Variants in IGSF5 observed in about 807,000 individuals in gnomAD.
The protein encoded by IGSF5 is immunoglobulin superfamily 5 like.
In IGSF5, 41 loss-of-function variants were observed where a neutral mutation model predicts 39.4. The observed-to-expected ratio is 1.04, with a 90% confidence interval of 0.81 to 1.35. The LOEUF (loss-of-function observed/expected upper bound fraction) is 1.35, where lower values mean the gene tolerates loss of function less well. Among genes scored for constraint, IGSF5 ranks in the 40% most tolerant of loss-of-function variants. The pLI, the probability that IGSF5 is intolerant of heterozygous loss-of-function variation, is 0.00. For synonymous variants in IGSF5, 183 were observed against 175.3 expected, an observed-to-expected ratio of 1.04 and a Z score of -0.34; for missense variants, 487 against 494.6, an observed-to-expected ratio of 0.98 and a Z score of 0.15.
chr21:39,801,409 G>T lies in IGSF5; in HGVS notation c.*52G>T. The T allele has an allele frequency of 7.7e-7, 1 of 1,305,048 alleles. No individual in the cohort carries two copies. Among genetic ancestry groups the T allele is most frequent in the Non-Finnish European group, 1.1e-6 (1 of 903,556 alleles). The allele number at this position is 1,305,048 out of a possible 1,614,324, so 80.8% of individuals were successfully genotyped here. ...CACTTGGCTGACAATTCAAAACACG[G>T]CGATGGCATCCTTCCTTTCCATCCT... On this transcript the variant is annotated 3_prime_UTR_variant, in exon 9 of 9. Coordinates refer to ENST00000380588, the MANE Select transcript of IGSF5 (RefSeq NM_001080444.2).
intron 2 of IGSF5, among the ~76,000 whole-genome samples, 163 bp downstream of exon 2, chr21:39,746,461 A>G (rs375789497): frequency 3.3e-5 from 5 of 152,204 alleles, no homozygotes; most frequent in East Asian, 3.9e-4. Flanking sequence ...CTTTTTCTCA[A>G]TTATCTTCAG....
intron 2 of IGSF5, among the ~76,000 whole-genome samples, chr21:39,755,992 G>A (rs1334565350): frequency 3.3e-5 from 5 of 152,112 alleles, no homozygotes; most frequent in African/African-American, 1.2e-4. Flanking sequence ...TTGGGAGGCT[G>A]AGGCAGGAGA....
At chr21:39,773,478 C>CTTTTTTTTTTCCT (rs1555943411) in intron 4 of IGSF5, among the ~76,000 whole-genome samples, 1 of 143,854 alleles carries the variant, frequency 7.0e-6, no homozygotes, top group Non-Finnish European at 1.5e-5. Flanking sequence ...TCTTCCTTTT[C>CTTTTTTTTTTCCT]TTTTTTTTTC....
At chr21:39,777,043 T>C (rs180802982) in intron 4 of IGSF5, among the ~76,000 whole-genome samples, 1 of 152,282 alleles carries the variant, frequency 6.6e-6, no homozygotes, top group African/African-American at 2.4e-5. Context: ...GGAGTTGTTA[T>C]TGGTAAGTGA....
chr21:39,755,744 T>A (rs1245136097), intron 2 of IGSF5, among the ~76,000 whole-genome samples: 1 of 152,120 alleles, frequency 6.6e-6, no homozygotes, highest in Non-Finnish European at 1.5e-5. Context: ...GAGTCTATTG[T>A]AGATTATTGC....
the IGSF5 span, among the ~76,000 whole-genome samples, chr21:39,734,018 A>G: frequency 2.6e-5 from 4 of 152,230 alleles, no homozygotes; most frequent in African/African-American, 9.6e-5. Context: ...ATCAAGTCAC[A>G]TGCTGAGGTT....
At chr21:39,754,737 C>G (rs1422381962) in intron 2 of IGSF5, among the ~76,000 whole-genome samples, 1 of 152,224 alleles carries the variant, frequency 6.6e-6, no homozygotes, top group East Asian at 1.9e-4. Context: ...AGTTAAATCT[C>G]AAGTCCTGTT....
At chr21:39,796,601 C>G (rs1165075648) in intron 8 of IGSF5, among the ~76,000 whole-genome samples, 2 of 152,214 alleles carry the variant, frequency 1.3e-5, no homozygotes, top group African/African-American at 4.8e-5. Context: ...GCCTCCTGAG[C>G]TGCTGCCGCA....
intron 2 of IGSF5, among the ~76,000 whole-genome samples, chr21:39,754,994 T>A (rs1244192723): frequency 6.6e-6 from 1 of 152,160 alleles, no homozygotes; most frequent in Non-Finnish European, 1.5e-5. Context: ...CATACAGAGA[T>A]GAAATGTGGA....
chr21:39,791,860 G>A, intron 6 of IGSF5, 148 bp from the exon 7 acceptor site: 1 of 596,746 alleles, frequency 1.7e-6, no homozygotes, highest in Non-Finnish European at 3.0e-6. Flanking sequence ...CAACGCAGCG[G>A]CAAAGCTATG....
intron 5 of IGSF5, among the ~76,000 whole-genome samples, chr21:39,779,940 T>G (rs1009370467): frequency 2.6e-5 from 4 of 152,068 alleles, no homozygotes; most frequent in African/African-American, 9.7e-5. Flanking sequence ...GGTACAAAGT[T>G]TCAATTAGAC....
chr21:39,782,812 A>C (rs75884453), intron 5 of IGSF5, among the ~76,000 whole-genome samples: 6,172 of 152,198 alleles, frequency 0.041, 442 homozygotes, highest in African/African-American at 0.14. Context: ...GCTGCAGAAC[A>C]CTGAAACTTT....
intron 2 of IGSF5, among the ~76,000 whole-genome samples, chr21:39,758,747 G>A (rs1476209025): frequency 6.6e-6 from 1 of 152,162 alleles, no homozygotes; most frequent in Non-Finnish European, 1.5e-5. Context: ...GGGAGGAACT[G>A]GGGTTTTCAC....
chr21:39,742,302 C>T (rs2079951799), upstream of IGSF5, among the ~76,000 whole-genome samples: 1 of 152,188 alleles, frequency 6.6e-6, no homozygotes, highest in Non-Finnish European at 1.5e-5. Context: ...TCCCCAGTCA[C>T]AACTTAGTGG....
chr21:39,724,108 A>G, the IGSF5 span, among the ~76,000 whole-genome samples: 8,203 of 143,524 alleles, frequency 0.057, 318 homozygotes, highest in African/African-American at 0.1. Context: ...AAAATAAAAT[A>G]AAATAAAATA....
At chr21:39,753,743 T>TC (rs2080016789) in intron 2 of IGSF5, among the ~76,000 whole-genome samples, 1 of 6,206 alleles carries the variant, frequency 1.6e-4, no homozygotes, top group African/African-American at 3.9e-4. Flanking sequence ...TTCTTTGTCT[T>TC]TTTTTTTTTA....
rs1456836628 is a variant in IGSF5 at position 39,801,768 on chromosome 21, A to G, written c.*411A>G. 1 of 154,784 alleles carries G rather than the reference A, an allele frequency of 6.5e-6. No homozygotes were observed. The highest frequency in any genetic ancestry group is 1.4e-5 in the Non-Finnish European group (1 of 69,522). 9.6% of individuals were successfully genotyped at this position (154,784 alleles called of 1,614,324 possible). On this transcript the variant is annotated 3_prime_UTR_variant, in exon 9 of 9. Coordinates refer to ENST00000380588, the MANE Select transcript of IGSF5 (RefSeq NM_001080444.2). ...ATATTTAATATGTAGGGGTATTATT[A>G]CATATTATCAGTGAAATACGAGTAT...
rs182064144 is a variant in IGSF5 at position 39,801,410 on chromosome 21, C to A, written c.*53C>A. The A allele has an allele frequency of 5.5e-6, 7 of 1,275,852 alleles. No individual in the cohort carries two copies. In the African/African-American group the frequency reaches 8.8e-5, roughly 16 times the overall value. 79.0% of individuals were successfully genotyped at this position (1,275,852 alleles called of 1,614,324 possible). ...ACTTGGCTGACAATTCAAAACACGG[C>A]GATGGCATCCTTCCTTTCCATCCTA... On this transcript the variant is annotated 3_prime_UTR_variant, in exon 9 of 9. Coordinates refer to ENST00000380588, the MANE Select transcript of IGSF5 (RefSeq NM_001080444.2).
chr21:39,784,825 A>G (rs562351376), intron 5 of IGSF5, among the ~76,000 whole-genome samples: 3 of 152,280 alleles, frequency 2.0e-5, no homozygotes, highest in South Asian at 4.1e-4. Context: ...ATTTTCAGAA[A>G]GTATTTTCTG....
Sources: allele counts gnomAD v4.1 joint callset (sites outside exome capture counted in the v4.1 genomes callset), GRCh38; gene constraint gnomAD v4.1.1; transcripts MANE v1.5; gene names NCBI Gene and HGNC (gene_info 2026-07-23, HGNC 2026-07-21).